Variants in ZBTB25 observed in about 807,000 individuals in gnomAD.
ZBTB25 encodes the protein zinc finger and BTB domain-containing protein 25.
A neutral mutation model predicts 34.2 loss-of-function variants in ZBTB25; 20 were observed. The observed-to-expected ratio is 0.58, with a 90% CI of 0.41 to 0.85. The LOEUF is 0.85. Ranked by LOEUF, ZBTB25 falls within the 40% of genes least tolerant of loss-of-function variation. ZBTB25 has a pLI of 0.00. For missense variants in ZBTB25, 437 were observed against 521.8 expected (o/e 0.84, Z 1.58); for synonymous variants, 175 against 186.4 (o/e 0.94, Z 0.50).
At chr14:64,452,687 T>A (rs1300038153) in intron 2 of ZBTB25, among the ~76,000 whole-genome samples, 1 of 152,220 alleles carries the variant, frequency 6.6e-6, no homozygotes, top group African/African-American at 2.4e-5. Context: ...TTTGATTTTA[T>A]GACTATTTCC....
intron 2 of ZBTB25, among the ~76,000 whole-genome samples, chr14:64,456,323 C>G (rs2078473237): frequency 6.6e-6 from 1 of 152,222 alleles, no homozygotes; most frequent in Non-Finnish European, 1.5e-5. Flanking sequence ...CTAACACCTT[C>G]CAGTTGCCGT....
chr14:64,476,470 A>G (rs1256151), downstream of ZBTB25, among the ~76,000 whole-genome samples: 151,840 of 152,302 alleles, frequency 1, 75,692 homozygotes, highest in Middle Eastern at 1. Flanking sequence ...ACAGGCGCCC[A>G]CCACTATGCC....
chr14:64,469,290 T>C lies in ZBTB25; in HGVS notation c.174-19652A>G, dbSNP rs373543681. The C allele has an allele frequency of 5.0e-6, 8 of 1,613,120 alleles. No homozygotes were observed. The African/African-American group carries it at 8.0e-5, about 16-fold the overall frequency. ...GGAAAAGACTATGAAAGTACAGAGA[T>C]TGTAGCTGAAGAAACTAAGCCAAAA... is the stretch of plus-strand genomic sequence containing the variant. On this transcript the variant is annotated intron_variant, in intron 2 of 2. Transcript: ENST00000555220.
chr14:64,462,529 A>G (rs1055237508), intron 2 of ZBTB25: 4 of 152,142 alleles, frequency 2.6e-5, no homozygotes, highest in Admixed American at 1.3e-4. Flanking sequence ...CCTCCAGATT[A>G]GTGGCTTTCC....
At chr14:64,450,096 C>A (rs1428853655) in intron 2 of ZBTB25, among the ~76,000 whole-genome samples, 1 of 152,120 alleles carries the variant, frequency 6.6e-6, no homozygotes, top group African/African-American at 2.4e-5. Context: ...GCCCAGACAG[C>A]CTTCTTATAA....
chr14:64,471,851 A>C (rs1209808926), intron 2 of ZBTB25: 1 of 166,992 alleles, frequency 6.0e-6, no homozygotes, highest in East Asian at 1.9e-4. Context: ...AGTATTTGCT[A>C]CTTTGTCCTA....
At chr14:64,503,061 G>C (rs955153515) in intron 1 of ZBTB25, 2 of 985,378 alleles carry the variant, frequency 2.0e-6, no homozygotes, top group Non-Finnish European at 2.4e-6. Flanking sequence ...CGCTGCCTCC[G>C]CAACTGGTAA....
At chr14:64,469,146 A>T in intron 2 of ZBTB25, 1 of 1,614,176 alleles carries the variant, frequency 6.2e-7, no homozygotes, top group South Asian at 1.1e-5. Context: ...AGCCCACTTG[A>T]AACTTCAGAA....
In ZBTB25 at chr14:64,485,382, T is replaced by G; in HGVS notation, c.*1541A>C. The G allele has an allele frequency of 1.0e-6, 1 of 985,456 alleles. No homozygotes were observed. Among genetic ancestry groups the G allele is most frequent in the Non-Finnish European group, 1.2e-6 (1 of 829,934 alleles). 61.0% of individuals were successfully genotyped at this position (985,456 alleles called of 1,614,324 possible). On this transcript the variant is annotated 3_prime_UTR_variant, in exon 3 of 3. Coordinates refer to ENST00000608382, the MANE Select transcript of ZBTB25 (RefSeq NM_006977.5). Reference sequence around the variant, plus strand: ...AAGAGGGCAAAAAAAGATGAGTCTGTTTTATTATCCTTGACTATGCGGGGT... The same window carrying G: ...AAGAGGGCAAAAAAAGATGAGTCTGGTTTATTATCCTTGACTATGCGGGGT...
chr14:64,503,044 T>C, intron 1 of ZBTB25: 1 of 985,438 alleles, frequency 1.0e-6, no homozygotes, highest in Middle Eastern at 5.2e-4. Flanking sequence ...TACTACGTTG[T>C]GCTATGCGCT....
chr14:64,481,499 A>G lies in ZBTB25; in HGVS notation c.*5424T>C, dbSNP rs547792455. 2.6e-5 allele frequency: 4 copies of G among 152,340 alleles called. No homozygotes were observed. Among genetic ancestry groups the G allele is most frequent in the African/African-American group, 9.6e-5 (4 of 41,578 alleles). The allele number at this position is 152,340 out of a possible 1,614,324, so 9.4% of individuals were successfully genotyped here. ...TTCAGTGGGTCTTTTTTATTGAACA[A>G]GTTTTTATAATCTAAGTTTATTTTA... On this transcript the variant is annotated 3_prime_UTR_variant, in exon 3 of 3. Transcript: ENST00000608382.
chr14:64,458,290 A>G, intron 2 of ZBTB25: 14 of 1,612,680 alleles, frequency 8.7e-6, no homozygotes, highest in Non-Finnish European at 1.2e-5. Flanking sequence ...GAACAGGTGA[A>G]TGGATTATTC....
chr14:64,486,134 C>T lies in ZBTB25; in HGVS notation c.*789G>A. Reference sequence around the variant, plus strand: ...CTAACACGGTGAAACCCCGTCTCTACTAAAAAAATACAAAAAAATTAGCTG... The same window carrying T: ...CTAACACGGTGAAACCCCGTCTCTATTAAAAAAATACAAAAAAATTAGCTG... On this transcript the variant is annotated 3_prime_UTR_variant, in exon 3 of 3. Transcript: ENST00000608382. The T allele has an allele frequency of 1.4e-6, 1 of 697,372 alleles. No individual in the cohort carries two copies. The highest frequency in any genetic ancestry group is 1.8e-6 in the Non-Finnish European group (1 of 567,508). The allele number at this position is 697,372 out of a possible 1,614,324, so 43.2% of individuals were successfully genotyped here.
chr14:64,468,839 G>A (rs770240917), intron 2 of ZBTB25: 1 of 1,614,154 alleles, frequency 6.2e-7, no homozygotes, highest in Non-Finnish European at 8.5e-7. Context: ...AGAAGACTCA[G>A]ACTGCAGCAT....
At chr14:64,468,222 C>A in intron 2 of ZBTB25, 1 of 458,450 alleles carries the variant, frequency 2.2e-6, no homozygotes, top group Non-Finnish European at 3.8e-6. Context: ...AGAAACTGGG[C>A]ATTTCTATAC....
chr14:64,488,685 A>T (rs1388076479), intron 2 of ZBTB25, among the ~76,000 whole-genome samples: 3 of 152,214 alleles, frequency 2.0e-5, no homozygotes, highest in Admixed American at 2.0e-4. Context: ...AGTATTATAT[A>T]AAATATCTAG....
At chr14:64,503,080 T>G (rs942139883) in intron 1 of ZBTB25, 1 of 985,348 alleles carries the variant, frequency 1.0e-6, no homozygotes, top group Non-Finnish European at 1.2e-6. Context: ...AACAACTGAT[T>G]ACTCCAAATA....
At position 64,479,702 on chromosome 14, in the gene ZBTB25, C is replaced by T. The variant is rs2078757240; in HGVS notation, c.*7221G>A. The T allele has an allele frequency of 6.6e-6, 1 of 152,218 alleles. No homozygotes were observed. The highest frequency in any genetic ancestry group is 1.5e-5 in the Non-Finnish European group (1 of 68,060). The allele number at this position is 152,218 out of a possible 1,614,324, so 9.4% of individuals were successfully genotyped here. On this transcript the variant is annotated 3_prime_UTR_variant, in exon 3 of 3. Transcript: ENST00000608382. ...TCTTCCCTTTGGACCCAAATGGAAA[C>T]ATCAGCTCTTCTTGAGTTTCAAGCC...
Position 64,487,698 on chromosome 14 carries a change from T to C in ZBTB25, c.533A>G (p.Asp178Gly). 6.2e-7 allele frequency: 1 copy of C among 1,612,278 alleles called. No homozygotes were observed. The highest frequency in any genetic ancestry group is 1.1e-5 in the South Asian group (1 of 90,810). The change falls in exon 3 of 3, where the codon GAT becomes GGT. Residue 178 changes from aspartate (D) to glycine (G), a missense_variant. Asp to Gly is a moderately conservative substitution (Grantham distance 94, BLOSUM62 -1). Coordinates refer to ENST00000608382, the MANE Select transcript of ZBTB25 (RefSeq NM_006977.5). The stretch of plus-strand genomic sequence containing the variant: ...GGCCCTCTGCTGGTCTGCAGTGCCA[T>C]CATCCAGACCAATAGCAAGAGACAA... ...LQLSLAIGLD[D>G]GTADQQRACP...
Sources: gnomAD v4.1 joint callset for allele counts (sites outside exome capture counted in the v4.1 genomes callset) on GRCh38, gnomAD v4.1.1 for gene constraint, MANE v1.5 for transcripts, NCBI Gene and HGNC (gene_info 2026-07-23, HGNC 2026-07-21) for gene names.